The following TBX3 variants were observed in gnomAD, a reference collection of about 807,000 sequenced individuals.
TBX3 encodes the protein T-box transcription factor TBX3.
TBX3 carries 11 observed loss-of-function variants against 47.8 expected under a neutral mutation model. That is an observed-to-expected ratio of 0.23 (90% CI 0.14 to 0.38). The LOEUF (loss-of-function observed/expected upper bound fraction) is 0.38. TBX3 is among the 10% of genes least tolerant of loss of function. The probability of loss-of-function intolerance (pLI) is 1.00; values close to 1 mark genes in which losing one functional copy is unlikely to be tolerated. For missense variants in TBX3, 927 were observed against 1,022.8 expected, an observed-to-expected ratio of 0.91 and a Z score of 1.28; for synonymous variants, 500 against 449.3, an observed-to-expected ratio of 1.11 and a Z score of -1.43.
intron 6 of TBX3, 109 bp downstream of exon 6, chr12:114,674,056 T>A (rs1237590992): frequency 1.4e-6 from 2 of 1,398,984 alleles, no homozygotes; most frequent in East Asian, 2.5e-5. Context: ...TCAGTAAAAA[T>A]TATTACAGCT....
Position 114,671,645 on chromosome 12 carries a change from C to T in TBX3, c.*196G>A. ...TGAGCCCCCAGAATCTGATCCAGAT[C>T]CCGGACATATAAACCACGCCAAGAA... On this transcript the variant is annotated 3_prime_UTR_variant, in exon 7 of 7. Coordinates refer to ENST00000349155, the MANE Select transcript of TBX3 (RefSeq NM_005996.4). The T allele has an allele frequency of 2.9e-6, 2 of 686,978 alleles. No individual in the cohort carries two copies. The highest frequency in any genetic ancestry group is 2.5e-5 in the Admixed American group (1 of 40,368). The allele number at this position is 686,978 out of a possible 1,614,324, so 42.6% of individuals were successfully genotyped here. A position where few individuals can be genotyped will look rare whatever the true frequency, so the allele number is the denominator to read the frequency against.
At chr12:114,682,675 TC>T in intron 1 of TBX3, 136 bp downstream of exon 1, 1 of 1,344,668 alleles carries the variant, frequency 7.4e-7, no homozygotes, top group Non-Finnish European at 1.0e-6. Context: ...GGCCTGGAAG[TC>T]TGTGCATACA....
At position 114,677,598 on chromosome 12, in the gene TBX3, T is replaced by C; in HGVS notation, c.863A>G (p.Asn288Ser). 6.2e-7 allele frequency: 1 copy of C among 1,614,180 alleles called. No homozygotes were observed. The highest frequency in any genetic ancestry group is 8.5e-7 in the Non-Finnish European group (1 of 1,180,012). The change falls in exon 4 of 7, where the codon AAT becomes AGT. Residue 288 changes from asparagine (N) to serine (S), a missense_variant. By Grantham distance (46) the Asn-to-Ser change is conservative (BLOSUM62 1). Around this residue, in one of 5 missense-constraint regions of TBX3, gnomAD observed 6 missense variants for 35.7 expected, o/e 0.17. Transcript: ENST00000349155. ...PFAKGFRDTG[N>S]GRREKRKQLT... ...AACTCACCTTTTTTCTCTTCGGCCATTTCCAGTGTCCCGGAAACCTTTTGC... is the reference window on the plus strand; with the variant it reads ...AACTCACCTTTTTTCTCTTCGGCCACTTCCAGTGTCCCGGAAACCTTTTGC...
At chr12:114,681,941 C>T (rs1868947197) in intron 1 of TBX3, among the ~76,000 whole-genome samples, 1 of 152,108 alleles carries the variant, frequency 6.6e-6, no homozygotes, top group Non-Finnish European at 1.5e-5. Context: ...ACTTTGGCCT[C>T]ATTTAGCTTG....
At chr12:114,672,815 AC>A (rs1868510545) in intron 6 of TBX3, among the ~76,000 whole-genome samples, 1 of 151,928 alleles carries the variant, frequency 6.6e-6, no homozygotes. Flanking sequence ...CCATCCTCCC[AC>A]CCCAATCCTA....
At chr12:114,682,786 T>A (rs947289546) in intron 1 of TBX3, 26 bp downstream of exon 1, 1 of 1,614,052 alleles carries the variant, frequency 6.2e-7, no homozygotes. Flanking sequence ...TCCAACAGCT[T>A]AGGGGAGGAG....
Position 114,683,201 on chromosome 12 carries a change from C to A in TBX3, c.-1G>T, listed in dbSNP as rs144772866. The A allele has an allele frequency of 2.5e-6, 4 of 1,609,436 alleles. No individual in the cohort carries two copies. The highest frequency in any genetic ancestry group is 3.4e-6 in the Non-Finnish European group (4 of 1,177,614). The stretch of plus-strand genomic sequence containing the variant: ...CCGGATCTCTCATGGAGAGGCTCAT[C>A]CACTCCAGGCGGGGCGCTGGGCTCC... On this transcript the variant is annotated 5_prime_UTR_variant, in exon 1 of 7. Coordinates refer to ENST00000349155, the MANE Select transcript of TBX3 (RefSeq NM_005996.4). This position sits in a 1 kb window ranked among gnomAD's most constrained non-coding sequence, Gnocchi z 7.7.
chr12:114,684,148 C>A lies in TBX3; in HGVS notation c.-948G>T, dbSNP rs924739407. ...AAAGCGAGAGCTCCTCGCCACCCTC[C>A]GCCGCCTCTAGAATTCACCGGGCGT... is the stretch of plus-strand genomic sequence containing the variant. On this transcript the variant is annotated 5_prime_UTR_variant, in exon 1 of 7. Coordinates refer to ENST00000349155, the MANE Select transcript of TBX3 (RefSeq NM_005996.4). The A allele has an allele frequency of 1.7e-5, 4 of 230,564 alleles. No homozygotes were observed. Among genetic ancestry groups the A allele is most frequent in the African/African-American group, 4.4e-5 (2 of 45,046 alleles). 14.3% of individuals were successfully genotyped at this position (230,564 alleles called of 1,614,324 possible). A position where few individuals can be genotyped will look rare whatever the true frequency, so the allele number is the denominator to read the frequency against.
At position 114,671,495 on chromosome 12, in the gene TBX3, G is replaced by C. The variant is rs1868420428; in HGVS notation, c.*346C>G. ...AAAAATATATATATAAATCCGCACT[G>C]AGGGAGATGTCTTTGAACACCTCCC... On this transcript the variant is annotated 3_prime_UTR_variant, in exon 7 of 7. Transcript: ENST00000349155. The C allele has an allele frequency of 2.4e-6, 1 of 419,398 alleles. No homozygotes were observed. Among genetic ancestry groups the C allele is most frequent in the Non-Finnish European group, 4.3e-6 (1 of 230,774 alleles). The allele number at this position is 419,398 out of a possible 1,614,324, so 26.0% of individuals were successfully genotyped here.
chr12:114,682,698 A>T (rs1868990228), intron 1 of TBX3, 114 bp downstream of exon 1: 7 of 1,522,286 alleles, frequency 4.6e-6, no homozygotes. Flanking sequence ...TTCTAGGGGA[A>T]CTAACTTTTC....
At position 114,671,316 on chromosome 12, in the gene TBX3, CCAAA is replaced by C. The variant is rs769712542; in HGVS notation, c.*521_*524del. The C allele has an allele frequency of 6.7e-5, 16 of 240,454 alleles. No homozygotes were observed. The highest frequency in any genetic ancestry group is 1.1e-4 in the African/African-American group (5 of 45,340). The allele number at this position is 240,454 out of a possible 1,614,324, so 14.9% of individuals were successfully genotyped here. ...ACAAGGATGGTAGGGACTTCCCTCCCCAAACAAAGCTGCTCAGTAATTTATTGAG... is the reference window on the plus strand; with the variant it reads ...ACAAGGATGGTAGGGACTTCCCTCCCCAAAGCTGCTCAGTAATTTATTGAG... On this transcript the variant is annotated 3_prime_UTR_variant, in exon 7 of 7. Transcript: ENST00000349155.
rs1869062775 is a variant in TBX3 at position 114,683,783 on chromosome 12, T to C, written c.-583A>G. On this transcript the variant is annotated 5_prime_UTR_variant, in exon 1 of 7. Transcript: ENST00000349155. This position sits in a 1 kb window ranked among gnomAD's most constrained non-coding sequence, Gnocchi z 7.7. ...GGAGCGAGAGAGCGGAAAAAGTCTCTCTCCTTTAAAAAAAAAAAAATCTGA... is the reference window on the plus strand; with the variant it reads ...GGAGCGAGAGAGCGGAAAAAGTCTCCCTCCTTTAAAAAAAAAAAAATCTGA... The C allele has an allele frequency of 5.1e-6, 1 of 197,662 alleles. No individual in the cohort carries two copies. Among genetic ancestry groups the C allele is most frequent in the Non-Finnish European group, 9.7e-6 (1 of 103,602 alleles). 12.2% of individuals were successfully genotyped at this position (197,662 alleles called of 1,614,324 possible).
intron 3 of TBX3, 40 bp from the exon 4 acceptor site, chr12:114,677,696 CATTTTCTAGAAT>C: frequency 6.3e-7 from 1 of 1,594,572 alleles, no homozygotes; most frequent in Non-Finnish European, 8.6e-7. Context: ...ACATTGTTCT[CATTTTCTAGAAT>C]GTTTTGAGGG....
intron 2 of TBX3, chr12:114,679,865 C>T (rs780243569): frequency 1.9e-6 from 3 of 1,605,236 alleles, no homozygotes; most frequent in Non-Finnish European, 2.6e-6. Flanking sequence ...AAGGGCCCCC[C>T]CCACCCTCAC....
At chr12:114,680,091 A>T in intron 2 of TBX3, 1 of 984,664 alleles carries the variant, frequency 1.0e-6, no homozygotes, top group Non-Finnish European at 1.6e-6. Flanking sequence ...CTAGAGAGGA[A>T]TATTTATGCC....
At chr12:114,673,758 G>A (rs1438315196) in intron 6 of TBX3, among the ~76,000 whole-genome samples, 3 of 152,210 alleles carry the variant, frequency 2.0e-5, no homozygotes, top group African/African-American at 7.2e-5. Context: ...TACCCGCTGT[G>A]TGACCTTGGA....
At chr12:114,673,798 G>A (rs868266633) in intron 6 of TBX3, among the ~76,000 whole-genome samples, 4 of 152,174 alleles carry the variant, frequency 2.6e-5, no homozygotes, top group South Asian at 2.1e-4. Context: ...GGGCGTCTTC[G>A]CCTTCATCTG....
Position 114,680,867 on chromosome 12 carries a change from A to C in TBX3, c.657+12T>G. 1.2e-6 allele frequency: 2 copies of C among 1,614,210 alleles called. No individual in the cohort carries two copies. Among genetic ancestry groups the C allele is most frequent in the Non-Finnish European group, 1.7e-6 (2 of 1,180,036 alleles). ...AGGAGAAAATTTTACTGAAGAGAGCAATGAAACTTACAAATCCATGTTTGT... is the reference window on the plus strand; with the variant it reads ...AGGAGAAAATTTTACTGAAGAGAGCCATGAAACTTACAAATCCATGTTTGT... On this transcript the variant is annotated intron_variant, in intron 2 of 6. Transcript: ENST00000349155.
At position 114,671,670 on chromosome 12, in the gene TBX3, A is replaced by G; in HGVS notation, c.*171T>C. 2 of 792,620 alleles carry G rather than the reference A, an allele frequency of 2.5e-6. No individual in the cohort carries two copies. Among genetic ancestry groups the G allele is most frequent in the Non-Finnish European group, 2.0e-6 (1 of 488,822 alleles). 49.1% of individuals were successfully genotyped at this position (792,620 alleles called of 1,614,324 possible). On this transcript the variant is annotated 3_prime_UTR_variant, in exon 7 of 7. Transcript: ENST00000349155. ...CCCGGACATATAAACCACGCCAAGA[A>G]GACAGGGGCTGTCTCTAGCACATTC... is the stretch of plus-strand genomic sequence containing the variant.
Sources: gnomAD v4.1 joint callset for allele counts (sites outside exome capture counted in the v4.1 genomes callset) on GRCh38, gnomAD v4.1.1 for gene constraint, gnomAD v4.1.1 regional missense constraint, Gnocchi (gnomAD v3.1) non-coding constraint, MANE v1.5 for transcripts, NCBI Gene and HGNC (gene_info 2026-07-23, HGNC 2026-07-21) for gene names.